Variants in ROBO2 observed in about 807,000 individuals in gnomAD.
ROBO2 encodes roundabout guidance receptor 2, also known as roundabout homolog 2.
In ROBO2, 53 loss-of-function variants were observed where a neutral mutation model predicts 160.8. The ratio of observed to expected loss-of-function variants is 0.33; its 90% CI spans 0.26 to 0.41. The LOEUF (loss-of-function observed/expected upper bound fraction) is 0.41, where lower values mean the gene tolerates loss of function less well. Among genes scored for constraint, ROBO2 ranks in the 10% least tolerant of loss-of-function variants. The pLI is 1.00. For missense variants in ROBO2, 1,577 were observed against 1,722.4 expected (o/e 0.92, Z 1.49); for synonymous variants, 664 against 611.7 (o/e 1.09, Z -1.26).
At chr3:77,563,922 T>C (rs1482254011) in intron 11 of ROBO2, among the ~76,000 whole-genome samples, 1 of 152,142 alleles carries the variant, frequency 6.6e-6, no homozygotes, top group African/African-American at 2.4e-5. Flanking sequence ...AAGATTTAAA[T>C]GTAAATTAGC....
chr3:76,789,388 T>C (rs575503563), intron 2 of ROBO2, among the ~76,000 whole-genome samples: 2 of 151,584 alleles, frequency 1.3e-5, no homozygotes, highest in East Asian at 3.9e-4. Context: ...CCAATTACAC[T>C]TGGAGTTCTT....
At chr3:76,295,685 C>G (rs1292879121) in intron 2 of ROBO2, among the ~76,000 whole-genome samples, 4 of 152,022 alleles carry the variant, frequency 2.6e-5, no homozygotes, top group South Asian at 2.1e-4. Context: ...AGTTTAAAAG[C>G]CTTTATCAAG....
intron 2 of ROBO2, among the ~76,000 whole-genome samples, chr3:77,255,507 T>C (rs1418310225): frequency 1.3e-5 from 2 of 152,138 alleles, no homozygotes; most frequent in African/African-American, 4.8e-5. Context: ...AGAGGTAAAA[T>C]AAAAGGTGTC....
chr3:76,238,356 G>A (rs1214060079), intron 2 of ROBO2, among the ~76,000 whole-genome samples: 2 of 152,184 alleles, frequency 1.3e-5, no homozygotes, highest in African/African-American at 4.8e-5. Flanking sequence ...AGAGAGAAGA[G>A]TGAGGAGTGA....
intron 2 of ROBO2, among the ~76,000 whole-genome samples, chr3:75,951,109 C>G (rs1461916745): frequency 1.3e-5 from 2 of 151,964 alleles, no homozygotes; most frequent in Admixed American, 1.3e-4. Flanking sequence ...ATGGGTTTCA[C>G]TTACTGTATT....
intron 19 of ROBO2, among the ~76,000 whole-genome samples, chr3:77,599,456 A>G (rs1015791437): frequency 7.5e-6 from 1 of 133,554 alleles, no homozygotes; most frequent in East Asian, 2.3e-4. Flanking sequence ...ATGAGAACAC[A>G]TGGACACAGG....
chr3:76,593,613 T>G (rs535756044), intron 2 of ROBO2, among the ~76,000 whole-genome samples: 71 of 152,204 alleles, frequency 4.7e-4, no homozygotes, highest in African/African-American at 1.5e-3. Context: ...ATCATGATTT[T>G]TCAGAATTAA....
intron 2 of ROBO2, among the ~76,000 whole-genome samples, chr3:76,856,085 T>A (rs367897331): frequency 2.6e-5 from 4 of 152,160 alleles, no homozygotes; most frequent in African/African-American, 4.8e-5. Flanking sequence ...CATGAGCAGA[T>A]AACATAAGCT....
chr3:76,141,725 G>C (rs535298939), intron 2 of ROBO2, among the ~76,000 whole-genome samples: 59 of 152,068 alleles, frequency 3.9e-4, no homozygotes, highest in African/African-American at 1.4e-3. Flanking sequence ...TTGAAGATTG[G>C]TTTAGTGTGG....
chr3:77,524,003 A>C (rs1300067106), intron 6 of ROBO2, among the ~76,000 whole-genome samples: 1 of 151,216 alleles, frequency 6.6e-6, no homozygotes, highest in African/African-American at 2.4e-5. Context: ...TGGTAAGAAA[A>C]AGGATTTTTA....
At chr3:76,656,199 A>G (rs567446825) in intron 2 of ROBO2, among the ~76,000 whole-genome samples, 51 of 152,266 alleles carry the variant, frequency 3.3e-4, no homozygotes, top group African/African-American at 8.9e-4. Flanking sequence ...GACCTCATTG[A>G]CAAATGACTG....
Position 77,218,125 on chromosome 3 carries a change from T to C in ROBO2, c.388+119785T>C, listed in dbSNP as rs1212626001. Among the ~76,000 whole-genome samples the C allele has an allele frequency of 2.0e-5, 3 of 152,176 alleles. No individual in the cohort carries two copies. In the East Asian group the frequency reaches 5.8e-4, roughly 29 times the overall value. On this transcript the variant is annotated intron_variant, in intron 2 of 25. Coordinates refer to ENST00000461745, the Ensembl canonical transcript of ROBO2. ...ATAGACATCCTGTTTCAGTTAATGC[T>C]TTGTAGGGTCTAATCATCATGTATG...
At chr3:77,520,291 A>G (rs2090462966) in intron 5 of ROBO2, among the ~76,000 whole-genome samples, 1 of 151,344 alleles carries the variant, frequency 6.6e-6, no homozygotes, top group African/African-American at 2.4e-5. Context: ...AAAGTGACAC[A>G]TTCAGAGTCA....
chr3:77,598,283 G>T (rs1450060568), intron 19 of ROBO2, among the ~76,000 whole-genome samples: 1 of 151,620 alleles, frequency 6.6e-6, no homozygotes, highest in Non-Finnish European at 1.5e-5. Flanking sequence ...ATTTGAAGTT[G>T]TATTTCAAAT....
intron 2 of ROBO2, among the ~76,000 whole-genome samples, chr3:76,959,141 T>G (rs1464593317): frequency 6.6e-6 from 1 of 152,212 alleles, no homozygotes; most frequent in Non-Finnish European, 1.5e-5. Context: ...AAGGCTGAGC[T>G]TGCTTGCTTT....
At chr3:77,472,536 A>G (rs2153581060) in intron 2 of ROBO2, among the ~76,000 whole-genome samples, 1 of 152,308 alleles carries the variant, frequency 6.6e-6, no homozygotes, top group Admixed American at 6.5e-5. Context: ...TTATATTATG[A>G]CTAGCTAAGT....
At position 76,443,967 on chromosome 3, in the gene ROBO2, C is replaced by CATT. The variant is rs1004118752; in HGVS notation, c.109+506381_109+506383dup. ...AATGTTTTTAGATTTTAAAAAATATCATTATTATTATTATTATTGATGGAG... is the reference window on the plus strand; with the variant it reads ...AATGTTTTTAGATTTTAAAAAATATCATTATTATTATTATTATTATTGATGGAG... On this transcript the variant is annotated intron_variant, in intron 2 of 26. Coordinates refer to the ROBO2 transcript ENST00000487694. 1.1e-4 allele frequency among the ~76,000 whole-genome samples: 16 copies of CATT among 151,700 alleles called. No homozygotes were observed. The South Asian group carries it at 1.9e-3, about 18-fold the overall frequency.
At chr3:77,041,494 A>C (rs1019733353) in intron 1 of ROBO2, among the ~76,000 whole-genome samples, 1 of 152,210 alleles carries the variant, frequency 6.6e-6, no homozygotes, top group African/African-American at 2.4e-5. Context: ...TGGGGACCTT[A>C]AACAGGTGCT....
intron 2 of ROBO2, among the ~76,000 whole-genome samples, chr3:77,407,019 T>C (rs2076308987): frequency 6.6e-6 from 1 of 152,140 alleles, no homozygotes; most frequent in Non-Finnish European, 1.5e-5. Context: ...AGATATAGGG[T>C]CTTGCTATGT....
Sources: allele counts gnomAD v4.1 joint callset (sites outside exome capture counted in the v4.1 genomes callset), GRCh38; gene constraint gnomAD v4.1.1; transcripts MANE v1.5; gene names NCBI Gene and HGNC (gene_info 2026-07-23, HGNC 2026-07-21).